Variants in CCDC3 observed in about 807,000 individuals in gnomAD.
CCDC3 encodes the protein coiled-coil domain containing 3.
CCDC3 carries 24 observed loss-of-function variants against 21.4 expected under a neutral mutation model. That is an observed-to-expected ratio of 1.12 (90% CI 0.81 to 1.58). CCDC3 has a LOEUF of 1.58. Ranked by LOEUF, CCDC3 falls within the 40% of genes most tolerant of loss-of-function variation. The pLI, the probability that CCDC3 is intolerant of heterozygous loss-of-function variation, is 0.00. For synonymous variants in CCDC3, 186 were observed against 166.0 expected (o/e 1.12, Z -0.93); for missense variants, 425 against 360.9 (o/e 1.18, Z -1.44).
intron 4 of CCDC3, among the ~76,000 whole-genome samples, chr10:13,068,530 T>C (rs1021825172): frequency 6.6e-6 from 1 of 152,158 alleles, no homozygotes; most frequent in African/African-American, 2.4e-5. Context: ...AAAATGTAAA[T>C]AGGTGATCTA....
chr10:13,068,856 G>A (rs1225113884), intron 4 of CCDC3, among the ~76,000 whole-genome samples: 1 of 152,242 alleles, frequency 6.6e-6, no homozygotes, highest in African/African-American at 2.4e-5. Context: ...TTTAGCAAAA[G>A]ATGATAAGAA....
At chr10:13,039,182 G>A (rs957461136) in intron 5 of CCDC3, among the ~76,000 whole-genome samples, 13 of 152,202 alleles carry the variant, frequency 8.5e-5, no homozygotes, top group Middle Eastern at 3.4e-3. Context: ...TTGGGAGGCC[G>A]AGGCGGGCAG....
chr10:13,043,363 T>C (rs1371945501), intron 5 of CCDC3, among the ~76,000 whole-genome samples: 3 of 152,018 alleles, frequency 2.0e-5, no homozygotes, highest in Non-Finnish European at 2.9e-5. Context: ...GAGGCTGAGG[T>C]AGGTGGGTCA....
intron 4 of CCDC3, among the ~76,000 whole-genome samples, chr10:13,058,871 GC>G (rs559819574): frequency 2.2e-4 from 33 of 152,296 alleles, no homozygotes; most frequent in African/African-American, 6.7e-4. Flanking sequence ...CTAATTAATA[GC>G]CATTATCATT....
chr10:12,913,138 G>A (rs4748012), intron 2 of CCDC3, among the ~76,000 whole-genome samples: 94,408 of 151,912 alleles, frequency 0.62, 29,419 homozygotes, highest in Middle Eastern at 0.7. Context: ...TTCCATTAAG[G>A]TTTTTGATGG....
rs1834016266 is a variant in CCDC3, at chr10:12,897,307, G to T, written c.*1109C>A. 1 of 152,256 alleles carries T rather than the reference G, an allele frequency of 6.6e-6. No individual in the cohort carries two copies. The allele number at this position is 152,256 out of a possible 1,614,324, so 9.4% of individuals were successfully genotyped here. A position where few individuals can be genotyped will look rare whatever the true frequency, so the allele number is the denominator to read the frequency against. On this transcript the variant is annotated 3_prime_UTR_variant, in exon 3 of 3. Transcript: ENST00000378825. The stretch of plus-strand genomic sequence containing the variant: ...TACTCTCATTTTTACTTATAGTAGT[G>T]TCTTAAAAGTTTTATTTCCAGAAAG...
intron 5 of CCDC3, among the ~76,000 whole-genome samples, chr10:13,016,505 C>T (rs548170552): frequency 2.0e-5 from 3 of 152,120 alleles, no homozygotes; most frequent in African/African-American, 2.4e-5. Flanking sequence ...TAATGTACAA[C>T]GTAAATGTTA....
intron 5 of CCDC3, among the ~76,000 whole-genome samples, chr10:13,024,874 C>T (rs535943111): frequency 6.6e-5 from 10 of 152,280 alleles, no homozygotes; most frequent in African/African-American, 1.2e-4. Context: ...CTCTTTCCTC[C>T]GGCTTCCCAT....
chr10:13,022,762 G>A (rs541703743), intron 5 of CCDC3, among the ~76,000 whole-genome samples: 1 of 152,234 alleles, frequency 6.6e-6, no homozygotes, highest in Non-Finnish European at 1.5e-5. Context: ...CAAGATATTA[G>A]TATCTATGTA....
chr10:12,958,463 A>C lies in CCDC3; in HGVS notation c.549+39875T>G, dbSNP rs189658367. On this transcript the variant is annotated intron_variant, in intron 2 of 2. Coordinates refer to ENST00000378825, the MANE Select transcript of CCDC3 (RefSeq NM_031455.4). The stretch of plus-strand genomic sequence containing the variant: ...GGAGATGATAGACCCCCTCCTGCTT[A>C]AGCTGCTTTGGGTACCATTTCAAAG... Among the ~76,000 whole-genome samples, 150 of 152,264 alleles carry C rather than the reference A, an allele frequency of 9.9e-4. 1 individual carries two copies. Among genetic ancestry groups the C allele is most frequent in the Middle Eastern group, 6.8e-3 (2 of 294 alleles).
chr10:12,933,260 C>T (rs1834679366), intron 2 of CCDC3, among the ~76,000 whole-genome samples: 1 of 152,092 alleles, frequency 6.6e-6, no homozygotes, highest in African/African-American at 2.4e-5. Flanking sequence ...TAGCATTTAC[C>T]AGTGAATCCA....
chr10:12,978,394 G>C (rs1431866192), intron 2 of CCDC3, among the ~76,000 whole-genome samples: 1 of 152,192 alleles, frequency 6.6e-6, no homozygotes, highest in African/African-American at 2.4e-5. Flanking sequence ...AAATGTACAT[G>C]TTCACAGAAA....
At chr10:13,084,506 C>A (rs1388250678) in intron 3 of CCDC3, among the ~76,000 whole-genome samples, 1 of 152,086 alleles carries the variant, frequency 6.6e-6, no homozygotes, top group Non-Finnish European at 1.5e-5. Flanking sequence ...AGTCTGGTCT[C>A]GAACTCCTGA....
intron 2 of CCDC3, among the ~76,000 whole-genome samples, chr10:12,907,077 T>C (rs528455984): frequency 1.3e-5 from 2 of 152,296 alleles, no homozygotes; most frequent in African/African-American, 4.8e-5. Flanking sequence ...CCTGGTTCCA[T>C]TGTCAAGTTT....
Position 12,913,777 on chromosome 10 carries a change from G to GT in CCDC3, c.550-15099dup, listed in dbSNP as rs535207819. ...TCCTTCTATACCTAATTTGTTGAAA[G>GT]TTTTTTTATCATTAAAGGAAGTTGA... On this transcript the variant is annotated intron_variant, in intron 2 of 2. Transcript: ENST00000378825. 2.2e-4 allele frequency among the ~76,000 whole-genome samples: 34 copies of GT among 152,258 alleles called. 1 individual carries two copies. In the East Asian group the frequency reaches 3.1e-3, roughly 14 times the overall value.
chr10:12,937,732 G>GGCATGGCTCATTCATAGCTTT (rs1834763420), intron 2 of CCDC3, among the ~76,000 whole-genome samples: 1 of 152,128 alleles, frequency 6.6e-6, no homozygotes, highest in South Asian at 2.1e-4. Flanking sequence ...TTCATAGCTT[G>GGCATGGCTCATTCATAGCTTT]CAGGCATGGC....
At chr10:12,997,301 C>A (rs1375069982) in intron 2 of CCDC3, among the ~76,000 whole-genome samples, 1 of 151,866 alleles carries the variant, frequency 6.6e-6, no homozygotes, top group Non-Finnish European at 1.5e-5. Flanking sequence ...CTCTCTCCAG[C>A]AGTGTGTCAC....
chr10:12,983,937 G>A (rs1454387176), intron 2 of CCDC3, among the ~76,000 whole-genome samples: 2 of 152,126 alleles, frequency 1.3e-5, no homozygotes, highest in Non-Finnish European at 2.9e-5. Context: ...AAAGTTAGCT[G>A]GGCATGGTGG....
intron 5 of CCDC3, among the ~76,000 whole-genome samples, chr10:13,027,725 A>AC (rs1836241917): frequency 1.3e-5 from 2 of 150,614 alleles, no homozygotes; most frequent in Admixed American, 1.3e-4. Flanking sequence ...AAAATTAAAA[A>AC]AAAAAAACAA....
Sources: gnomAD v4.1 joint callset for allele counts (sites outside exome capture counted in the v4.1 genomes callset) on GRCh38, gnomAD v4.1.1 for gene constraint, MANE v1.5 for transcripts, NCBI Gene and HGNC (gene_info 2026-07-23, HGNC 2026-07-21) for gene names.